The following DNAAF19 variants were observed in gnomAD, a reference collection of about 807,000 sequenced individuals.
DNAAF19 encodes dynein axonemal assembly factor 19.
chr17:44,901,705 C>T, the DNAAF19 span: 1 of 1,581,462 alleles, frequency 6.3e-7, no homozygotes, highest in South Asian at 1.2e-5. Flanking sequence ...CCTAAAGCTT[C>T]AATCCTGTTT....
At chr17:44,902,352 C>A in the DNAAF19 span, 1 of 1,614,122 alleles carries the variant, frequency 6.2e-7, no homozygotes. Flanking sequence ...CCTTTCCTTC[C>A]TTTGTGGTCC....
the DNAAF19 span, chr17:44,904,278 T>C: frequency 6.5e-7 from 1 of 1,550,128 alleles, no homozygotes; most frequent in Non-Finnish European, 8.7e-7. Flanking sequence ...GTGGCCACTT[T>C]CCAGGACAAG....
the DNAAF19 span, chr17:44,902,519 T>C: frequency 1.2e-6 from 2 of 1,614,240 alleles, no homozygotes; most frequent in Non-Finnish European, 1.7e-6. Flanking sequence ...TTTGGACTTC[T>C]TGGGGAGCTG....
the DNAAF19 span, chr17:44,899,968 A>G: frequency 6.6e-6 from 1 of 152,310 alleles, no homozygotes; most frequent in East Asian, 1.9e-4. Flanking sequence ...ACGTTGGGGT[A>G]GGGTGGCTAT....
chr17:44,904,974 T>A, the DNAAF19 span: 1 of 1,550,804 alleles, frequency 6.4e-7, no homozygotes, highest in Non-Finnish European at 8.7e-7. Context: ...GAGCTCACCC[T>A]GATAGGCTAC....
the DNAAF19 span, chr17:44,899,779 G>T: frequency 6.6e-6 from 1 of 152,508 alleles, no homozygotes. Context: ...GGTTTATCAG[G>T]GGATCCCCAA....
chr17:44,901,252 G>T, the DNAAF19 span: 1 of 1,303,996 alleles, frequency 7.7e-7, no homozygotes, highest in Non-Finnish European at 1.1e-6. Flanking sequence ...TCTACTGTTT[G>T]ATCTTATGCA....
chr17:44,904,795 G>A, the DNAAF19 span: 27 of 1,550,572 alleles, frequency 1.7e-5, no homozygotes, highest in Non-Finnish European at 1.9e-5. Flanking sequence ...CCATGAGGGT[G>A]TTCATTGACC....
the DNAAF19 span, chr17:44,904,516 C>A: frequency 1.0e-5 from 16 of 1,550,098 alleles, no homozygotes; most frequent in Non-Finnish European, 1.4e-5. Context: ...AGGCCAGGGA[C>A]CACACGCCTG....
chr17:44,905,116 G>T, the DNAAF19 span: 1 of 1,416,662 alleles, frequency 7.1e-7, no homozygotes, highest in Non-Finnish European at 9.6e-7. Context: ...CAATGTGTTT[G>T]TTAAATGATA....
chr17:44,902,825 A>G, the DNAAF19 span: 1 of 1,529,848 alleles, frequency 6.5e-7, no homozygotes, highest in Admixed American at 2.0e-5. Flanking sequence ...TGATGCGGCA[A>G]GCTACCCTCA....
At chr17:44,903,798 C>G in the DNAAF19 span, 1 of 1,529,136 alleles carries the variant, frequency 6.5e-7, no homozygotes, top group Non-Finnish European at 8.8e-7. Context: ...CCTGGTTTTG[C>G]CCTGCCCCTC....
chr17:44,903,419 C>G, the DNAAF19 span: 1 of 1,252,504 alleles, frequency 8.0e-7, no homozygotes, highest in Non-Finnish European at 1.0e-6. Context: ...CCTTCATCCC[C>G]CAGGTTGATG....
the DNAAF19 span, chr17:44,901,273 C>A: frequency 8.9e-7 from 1 of 1,129,214 alleles, no homozygotes; most frequent in Non-Finnish European, 1.2e-6. Flanking sequence ...ATTTCCTTAA[C>A]TTCTCTGAGT....
chr17:44,904,410 A>G, the DNAAF19 span: 2 of 1,542,392 alleles, frequency 1.3e-6, no homozygotes, highest in African/African-American at 2.7e-5. Context: ...GGCCTCTGCT[A>G]CCTGCAGAGC....
At chr17:44,901,061 T>C in the DNAAF19 span, 6 of 1,601,414 alleles carry the variant, frequency 3.7e-6, no homozygotes, top group Non-Finnish European at 5.1e-6. Context: ...CTGCACTCAC[T>C]GCTGATGAGA....
the DNAAF19 span, chr17:44,902,641 C>T: frequency 3.5e-5 from 57 of 1,614,008 alleles, no homozygotes; most frequent in Non-Finnish European, 4.6e-5. Flanking sequence ...CCTGCTGAGC[C>T]GGGCAGAGAG....
At chr17:44,904,457 G>C in the DNAAF19 span, 1 of 1,543,966 alleles carries the variant, frequency 6.5e-7, no homozygotes, top group Non-Finnish European at 8.8e-7. Flanking sequence ...GGCCGTGCCC[G>C]ATGTGGTGTC....
At chr17:44,904,157 T>C in the DNAAF19 span, 33 of 1,550,240 alleles carry the variant, frequency 2.1e-5, no homozygotes, top group Non-Finnish European at 2.7e-5. Context: ...CATGTTCAGC[T>C]TGTTGGTTTT....
Sources: allele counts gnomAD v4.1 joint callset, GRCh38; gene constraint gnomAD v4.1.1; transcripts MANE v1.5; gene names NCBI Gene and HGNC (gene_info 2026-07-23, HGNC 2026-07-21).